The following DCT variants were observed in gnomAD, a reference collection of about 807,000 sequenced individuals.
DCT encodes L-dopachrome tautomerase.
DCT carries 47 observed loss-of-function variants against 53.0 expected under a neutral mutation model. The observed-to-expected ratio is 0.89, with a 90% CI of 0.70 to 1.13. The LOEUF (loss-of-function observed/expected upper bound fraction) is 1.13, where lower values mean the gene tolerates loss of function less well. DCT is among the 50% of genes most tolerant of loss of function. The pLI is 0.00. For missense variants in DCT, 669 were observed against 637.4 expected (o/e 1.05, Z -0.53); for synonymous variants, 244 against 237.0 (o/e 1.03, Z -0.27).
the DCT span, among the ~76,000 whole-genome samples, chr13:94,507,540 G>T: frequency 4.3e-3 from 624 of 145,636 alleles, 4 homozygotes; most frequent in Admixed American, 0.013. Context: ...TTTCTCTGTT[G>T]CCCAGGCTGG....
intron 6 of DCT, among the ~76,000 whole-genome samples, chr13:94,448,288 T>C (rs1433925576): frequency 2.6e-5 from 4 of 152,126 alleles, no homozygotes; most frequent in Non-Finnish European, 1.5e-5. Context: ...GTAAGAACTA[T>C]ATACAGAGTA....
At chr13:94,507,257 A>G in the DCT span, among the ~76,000 whole-genome samples, 2 of 152,240 alleles carry the variant, frequency 1.3e-5, no homozygotes, top group Admixed American at 1.3e-4. Flanking sequence ...TATTGACATA[A>G]GGAAAAGCTG....
chr13:94,476,434 G>C (rs574576727), intron 1 of DCT, among the ~76,000 whole-genome samples: 163 of 149,474 alleles, frequency 1.1e-3, no homozygotes, highest in Non-Finnish European at 2.0e-3. Flanking sequence ...TCTATGCAAT[G>C]CAGATTTACA....
intron 5 of DCT, among the ~76,000 whole-genome samples, 199 bp downstream of exon 5, chr13:94,461,811 A>T (rs1369602533): frequency 1.3e-5 from 2 of 152,158 alleles, no homozygotes; most frequent in African/African-American, 2.4e-5. Context: ...GAAGGTATTA[A>T]AACCACATTG....
chr13:94,549,352 C>G, the DCT span, among the ~76,000 whole-genome samples: 4 of 152,226 alleles, frequency 2.6e-5, no homozygotes, highest in African/African-American at 9.6e-5. Flanking sequence ...CGCGCGGCCC[C>G]GTCTCGCCAC....
rs768874013 is a variant in DCT, at chr13:94,452,695, T to C, written c.1179+7396A>G. 8 of 711,734 alleles carry C rather than the reference T, an allele frequency of 1.1e-5. No homozygotes were observed. The Admixed American group carries it at 1.6e-4, about 15-fold the overall frequency. The allele number at this position is 711,734 out of a possible 1,614,324, so 44.1% of individuals were successfully genotyped here. ...TCCATCAACAGAAAATAGTTTAAAATCTTAAATTTAAAATTAAAATAATAC... is the reference window on the plus strand; with the variant it reads ...TCCATCAACAGAAAATAGTTTAAAACCTTAAATTTAAAATTAAAATAATAC... On this transcript the variant is annotated intron_variant, in intron 6 of 7. Coordinates refer to ENST00000377028, the MANE Select transcript of DCT (RefSeq NM_001922.5).
chr13:94,528,008 C>A, the DCT span, among the ~76,000 whole-genome samples: 3 of 152,010 alleles, frequency 2.0e-5, no homozygotes, highest in Non-Finnish European at 4.4e-5. Context: ...GTTTCAGTAG[C>A]CAATTTGATC....
the DCT span, among the ~76,000 whole-genome samples, chr13:94,490,529 A>C: frequency 6.7e-6 from 1 of 148,714 alleles, no homozygotes; most frequent in African/African-American, 2.5e-5. Flanking sequence ...AAAAAAAAAA[A>C]AACAACTAAC....
At chr13:94,526,126 T>A in the DCT span, among the ~76,000 whole-genome samples, 4 of 152,244 alleles carry the variant, frequency 2.6e-5, no homozygotes, top group Non-Finnish European at 5.9e-5. Context: ...ATGGGGCATA[T>A]GGCTCCTGGG....
the DCT span, among the ~76,000 whole-genome samples, chr13:94,510,978 C>T: frequency 6.6e-6 from 1 of 152,228 alleles, no homozygotes; most frequent in South Asian, 2.1e-4. Context: ...CTCTGCATTG[C>T]TCTTCATCCC....
At chr13:94,454,268 T>G (rs552795602) in intron 6 of DCT, among the ~76,000 whole-genome samples, 1 of 152,182 alleles carries the variant, frequency 6.6e-6, no homozygotes, top group African/African-American at 2.4e-5. Context: ...CAGCCACTGA[T>G]GAATTGAAGG....
chr13:94,515,485 G>A, the DCT span, among the ~76,000 whole-genome samples: 1 of 152,188 alleles, frequency 6.6e-6, no homozygotes, highest in African/African-American at 2.4e-5. Flanking sequence ...CCATGGTTAA[G>A]GCTTAGCTAA....
the DCT span, among the ~76,000 whole-genome samples, chr13:94,512,597 C>A: frequency 3.0e-3 from 457 of 152,182 alleles, no homozygotes; most frequent in Non-Finnish European, 4.9e-3. Context: ...CTTTGTTCAC[C>A]AAAACATTGA....
At chr13:94,523,799 T>A in the DCT span, among the ~76,000 whole-genome samples, 1 of 151,894 alleles carries the variant, frequency 6.6e-6, no homozygotes, top group East Asian at 1.9e-4. Flanking sequence ...TTTCTGAAAA[T>A]GTATACAATA....
At chr13:94,443,684 G>A (rs200583903) in intron 6 of DCT, 47 bp from the exon 7 acceptor site, 24 of 1,443,940 alleles carry the variant, frequency 1.7e-5, no homozygotes, top group East Asian at 6.9e-5. Context: ...AGTCTGTTCC[G>A]ATCACACCAA....
chr13:94,486,773 C>A, the DCT span, among the ~76,000 whole-genome samples: 2 of 152,176 alleles, frequency 1.3e-5, no homozygotes, highest in Non-Finnish European at 2.9e-5. Flanking sequence ...CCACATCAAG[C>A]AACTGATTCA....
At chr13:94,506,703 C>A in the DCT span, among the ~76,000 whole-genome samples, 1 of 152,038 alleles carries the variant, frequency 6.6e-6, no homozygotes, top group African/African-American at 2.4e-5. Flanking sequence ...CTCAAAATAT[C>A]TTCTTATAAG....
At position 94,462,058 on chromosome 13, in the gene DCT, T is replaced by C. The variant is rs2139328902; in HGVS notation, c.995A>G (p.Gln332Arg). 4 of 1,613,358 alleles carry C rather than the reference T, an allele frequency of 2.5e-6. No homozygotes were observed. In the East Asian group the frequency reaches 8.9e-5, roughly 36 times the overall value. ...LKDIRDCLSL[Q>R]KFDNPPFFQN... ...GAAGAAGGGAGGATTGTCAAACTTC[T>C]GGAGAGACAGGCAATCTCGTATGTC... The change falls in exon 5 of 8, where the codon CAG becomes CGG. Residue 332 changes from glutamine to arginine, a missense_variant. By Grantham distance (43) the Gln-to-Arg change is conservative. Coordinates refer to ENST00000377028, the MANE Select transcript of DCT (RefSeq NM_001922.5).
At chr13:94,512,657 T>C in the DCT span, among the ~76,000 whole-genome samples, 1 of 152,174 alleles carries the variant, frequency 6.6e-6, no homozygotes, top group Non-Finnish European at 1.5e-5. Context: ...TGTTAGTTCA[T>C]CAATTCAACA....
Sources: gnomAD v4.1 joint callset for allele counts (sites outside exome capture counted in the v4.1 genomes callset) on GRCh38, gnomAD v4.1.1 for gene constraint, MANE v1.5 for transcripts, NCBI Gene and HGNC (gene_info 2026-07-23, HGNC 2026-07-21) for gene names.